GLIPR1L2: variants seen among roughly 807,000 people sequenced by gnomAD.
GLIPR1L2 encodes the protein GLIPR1 like 2.
Under a neutral mutation model 28.4 loss-of-function variants are expected in GLIPR1L2, and 21 were observed. The observed-to-expected ratio is 0.74, with a 90% CI of 0.52 to 1.06. GLIPR1L2 has a LOEUF of 1.06. Ranked by LOEUF, GLIPR1L2 falls within the 50% of genes least tolerant of loss-of-function variation. GLIPR1L2 has a pLI of 0.00. For missense variants in GLIPR1L2, 476 were observed against 416.9 expected (o/e 1.14, Z -1.23); for synonymous variants, 145 against 139.3 (o/e 1.04, Z -0.29).
chr12:75,428,320 C>T (rs2046054590), intron 4 of GLIPR1L2, among the ~76,000 whole-genome samples: 1 of 152,056 alleles, frequency 6.6e-6, no homozygotes, highest in Non-Finnish European at 1.5e-5. Context: ...GAACTTTGAG[C>T]TTGAGACAGA....
rs925622641 is a variant in GLIPR1L2, at chr12:75,432,639, G to A, written c.*1478G>A. 6.6e-6 allele frequency: 1 copy of A among 152,002 alleles called. No homozygotes were observed. Among genetic ancestry groups the A allele is most frequent in the South Asian group, 2.1e-4 (1 of 4,812 alleles). The allele number at this position is 152,002 out of a possible 1,614,324, so 9.4% of individuals were successfully genotyped here. ...ATATTCTGTTAAAAACCTGTTCGAA[G>A]TAGGGCAAGATGAGAATTATATTAA... On this transcript the variant is annotated 3_prime_UTR_variant, in exon 6 of 6. Transcript: ENST00000550916.
intron 1 of GLIPR1L2, among the ~76,000 whole-genome samples, chr12:75,396,857 A>G (rs540802342): frequency 1.3e-5 from 2 of 152,098 alleles, no homozygotes; most frequent in Non-Finnish European, 2.9e-5. Flanking sequence ...GATGATTTAT[A>G]TTTTCTCTCC....
intron 1 of GLIPR1L2, among the ~76,000 whole-genome samples, chr12:75,408,651 AG>A (rs2045828919): frequency 6.6e-6 from 1 of 152,064 alleles, no homozygotes; most frequent in Non-Finnish European, 1.5e-5. Context: ...CATTTATTAT[AG>A]GTATCCGTGC....
In GLIPR1L2 at chr12:75,431,105, AG is replaced by A; in HGVS notation, c.980del (p.Arg327LysfsTer36). 3 of 1,097,400 alleles carry A rather than the reference AG, an allele frequency of 2.7e-6. No individual in the cohort carries two copies. Among genetic ancestry groups the A allele is most frequent in the South Asian group, 2.7e-5 (2 of 74,766 alleles). The allele number at this position is 1,097,400 out of a possible 1,614,324, so 68.0% of individuals were successfully genotyped here. Reference protein sequence around the residue: ...IMEMEEEKEEREEEEEETQKE... With the variant: ...IMEMEEEKEEXEEEEEETQKE... Reference sequence around the variant, plus strand: ...GGAAATGGAGGAGGAAAAAGAAGAGAGAGAGGAGGAGGAGGAGGAAACACAA... The same window carrying A: ...GGAAATGGAGGAGGAAAAAGAAGAGAAGAGGAGGAGGAGGAGGAAACACAA... On this transcript the variant is annotated frameshift_variant, in exon 6 of 6. Coordinates refer to ENST00000550916, the MANE Select transcript of GLIPR1L2 (RefSeq NM_001270396.2). LOFTEE classifies it low-confidence loss of function (END_TRUNC).
At chr12:75,412,441 C>T (rs2045877862) in intron 2 of GLIPR1L2, among the ~76,000 whole-genome samples, 3 of 152,000 alleles carry the variant, frequency 2.0e-5, no homozygotes, top group Middle Eastern at 6.8e-3. Flanking sequence ...TCACAACCTA[C>T]ACATCTGACA....
At position 75,430,860 on chromosome 12, in the gene GLIPR1L2, G is replaced by C; in HGVS notation, c.734G>C (p.Arg245Pro). 1.3e-6 allele frequency: 2 copies of C among 1,534,958 alleles called. No individual in the cohort carries two copies. The highest frequency in any genetic ancestry group is 1.7e-6 in the Non-Finnish European group (2 of 1,146,116). Residue 245 changes from arginine (R) to proline (P), a missense_variant, in exon 6 of 6, where the codon CGG becomes CCG. Transcript: ENST00000550916. ...RFWYPKWEMP[R>P]PVVCDPLCTF... is the part of the protein sequence containing the mutation. ...TGGTATCCAAAATGGGAAATGCCCC[G>C]GCCAGTTGTGTGTGATCCACTGTGC...
At chr12:75,425,081 A>C (rs574380975) in intron 4 of GLIPR1L2, among the ~76,000 whole-genome samples, 35 of 152,246 alleles carry the variant, frequency 2.3e-4, no homozygotes, top group Non-Finnish European at 4.3e-4. Context: ...CAGAGACCTC[A>C]TGGAATGAAG....
Position 75,430,952 on chromosome 12 carries a change from T to C in GLIPR1L2, c.826T>C (p.Ser276Pro). 4.6e-6 allele frequency: 7 copies of C among 1,535,724 alleles called. No individual in the cohort carries two copies. The highest frequency in any genetic ancestry group is 6.1e-6 in the Non-Finnish European group (7 of 1,146,642). Reference sequence around the variant, plus strand: ...TGTCATAACTGTTTTGATAGTACAGTCTCAGTTTCCAAATATCTTGTTGGA... The same window carrying C: ...TGTCATAACTGTTTTGATAGTACAGCCTCAGTTTCCAAATATCTTGTTGGA... The part of the protein sequence containing the change: ...LCVITVLIVQ[S>P]QFPNILLEQQ... The change falls in exon 6 of 6, where the codon TCT becomes CCT. Residue 276 changes from serine to proline, a missense_variant. By Grantham distance (74) the Ser-to-Pro change is moderately conservative. Coordinates refer to ENST00000550916, the MANE Select transcript of GLIPR1L2 (RefSeq NM_001270396.2).
At chr12:75,411,790 C>G (rs2045870643) in intron 2 of GLIPR1L2, among the ~76,000 whole-genome samples, 1 of 151,902 alleles carries the variant, frequency 6.6e-6, no homozygotes. Flanking sequence ...CTTTTAAAAC[C>G]ACTAAGGCTT....
At chr12:75,417,823 T>A (rs2045938030) in intron 3 of GLIPR1L2, among the ~76,000 whole-genome samples, 1 of 152,114 alleles carries the variant, frequency 6.6e-6, no homozygotes, top group Non-Finnish European at 1.5e-5. Flanking sequence ...ATTTTTCATT[T>A]TCAAAGATAA....
chr12:75,428,544 A>T (rs960439288), intron 4 of GLIPR1L2, among the ~76,000 whole-genome samples: 1 of 152,178 alleles, frequency 6.6e-6, no homozygotes, highest in Non-Finnish European at 1.5e-5. Context: ...TTTTCTGGGG[A>T]GAAATTCAAG....
intron 2 of GLIPR1L2, 117 bp downstream of exon 2, chr12:75,410,796 G>C: frequency 1.3e-6 from 1 of 762,982 alleles, no homozygotes; most frequent in Non-Finnish European, 2.0e-6. Flanking sequence ...CATTTAATAA[G>C]ATCACAATTT....
chr12:75,426,357 TC>T (rs1188631177), intron 4 of GLIPR1L2, among the ~76,000 whole-genome samples: 3 of 152,218 alleles, frequency 2.0e-5, no homozygotes, highest in Non-Finnish European at 4.4e-5. Flanking sequence ...ATACAGTTTA[TC>T]TGAATACTGT....
At chr12:75,411,230 A>T (rs1225235684) in intron 2 of GLIPR1L2, among the ~76,000 whole-genome samples, 1 of 151,820 alleles carries the variant, frequency 6.6e-6, no homozygotes, top group African/African-American at 2.4e-5. Context: ...TATATGTCTG[A>T]TACTACACTG....
At chr12:75,417,609 T>G (rs919417858) in intron 3 of GLIPR1L2, among the ~76,000 whole-genome samples, 1 of 151,842 alleles carries the variant, frequency 6.6e-6, no homozygotes, top group Admixed American at 6.6e-5. Context: ...TCAAAATATA[T>G]ATGAAAAAAT....
intron 1 of GLIPR1L2, among the ~76,000 whole-genome samples, chr12:75,398,693 T>G (rs555779667): frequency 6.6e-6 from 1 of 152,302 alleles, no homozygotes; most frequent in East Asian, 1.9e-4. Context: ...TAATATCAAT[T>G]TTTAATTTAA....
intron 3 of GLIPR1L2, among the ~76,000 whole-genome samples, chr12:75,416,104 A>C (rs1276981139): frequency 6.6e-6 from 1 of 152,130 alleles, no homozygotes; most frequent in Non-Finnish European, 1.5e-5. Context: ...TGGAGCTAAT[A>C]ATACAAGCCG....
At chr12:75,396,173 A>G (rs1192335591) in intron 1 of GLIPR1L2, among the ~76,000 whole-genome samples, 1 of 151,814 alleles carries the variant, frequency 6.6e-6, no homozygotes, top group Admixed American at 6.6e-5. Context: ...CATTTTTTAA[A>G]TTATTTTTTG....
At chr12:75,415,336 T>C (rs1456165974) in intron 3 of GLIPR1L2, among the ~76,000 whole-genome samples, 4 of 152,050 alleles carry the variant, frequency 2.6e-5, no homozygotes, top group Non-Finnish European at 5.9e-5. Flanking sequence ...TGGCTGTTGG[T>C]AGAGAATGAA....
Sources: allele counts gnomAD v4.1 joint callset (sites outside exome capture counted in the v4.1 genomes callset), GRCh38; gene constraint gnomAD v4.1.1; transcripts MANE v1.5; gene names NCBI Gene and HGNC (gene_info 2026-07-23, HGNC 2026-07-21).